The following MAN1B1 variants were observed in gnomAD, a reference collection of about 807,000 sequenced individuals.
The protein encoded by MAN1B1 is mannosidase alpha class 1B member 1.
Under a neutral mutation model 75.5 loss-of-function variants are expected in MAN1B1, and 66 were observed. The observed-to-expected ratio is 0.87, with a 90% CI of 0.72 to 1.07. The LOEUF is 1.07. MAN1B1 is among the 50% of genes least tolerant of loss of function. The pLI is 0.00. For missense variants in MAN1B1, 973 were observed against 912.5 expected (o/e 1.07, Z -0.85); for synonymous variants, 453 against 382.8 (o/e 1.18, Z -2.14).
chr9:137,097,526 C>T lies in MAN1B1; in HGVS notation c.621-302C>T, dbSNP rs543204583. Among the ~76,000 whole-genome samples the T allele has an allele frequency of 2.2e-4, 33 of 152,316 alleles. 1 individual carries two copies. In the South Asian group the frequency reaches 6.6e-3, roughly 31 times the overall value. ...CTGTTTGGATGAAAGATTCTCTACT[C>T]CTCCACCATAGAGGCCCCCCGCCTC... is the stretch of plus-strand genomic sequence containing the variant. On this transcript the variant is annotated intron_variant, in intron 4 of 12. Coordinates refer to ENST00000371589, the MANE Select transcript of MAN1B1 (RefSeq NM_016219.5).
At position 137,093,747 on chromosome 9, in the gene MAN1B1, T is replaced by C. The variant is rs545047911; in HGVS notation, c.466-2490T>C. On this transcript the variant is annotated intron_variant, in intron 3 of 12. Coordinates refer to ENST00000371589, the MANE Select transcript of MAN1B1 (RefSeq NM_016219.5). Reference sequence around the variant, plus strand: ...TACTCGGGAGGCTGAGGCAGGAGAATGGCGTGAACCTGGGAGGCGGAGGTT... The same window carrying C: ...TACTCGGGAGGCTGAGGCAGGAGAACGGCGTGAACCTGGGAGGCGGAGGTT... Among the ~76,000 whole-genome samples the C allele has an allele frequency of 4.3e-4, 65 of 151,532 alleles. 1 individual carries two copies. In the East Asian group the frequency reaches 0.01, roughly 24 times the overall value.
At chr9:137,107,176 C>G in intron 10 of MAN1B1, 74 bp from the exon 11 acceptor site, 1 of 1,513,870 alleles carries the variant, frequency 6.6e-7, no homozygotes, top group Non-Finnish European at 9.1e-7. Context: ...TGGGCTCCCA[C>G]GTTGGCTGCC....
chr9:137,093,298 G>T (rs764864962), intron 3 of MAN1B1, among the ~76,000 whole-genome samples: 1 of 152,156 alleles, frequency 6.6e-6, no homozygotes, highest in Non-Finnish European at 1.5e-5. Context: ...GCAGGCTGAG[G>T]CCTGAACTGG....
At chr9:137,087,348 G>T in intron 1 of MAN1B1, 130 bp downstream of exon 1, 2 of 1,056,822 alleles carry the variant, frequency 1.9e-6, no homozygotes, top group Non-Finnish European at 2.7e-6. Context: ...CCCCTTCCCC[G>T]CAAAAAGGGG....
intron 8 of MAN1B1, chr9:137,104,113 C>T (rs971131995): frequency 4.4e-6 from 2 of 455,496 alleles, no homozygotes; most frequent in African/African-American, 4.0e-5. Context: ...CTGAAGCTCT[C>T]CCATCACACA....
chr9:137,097,415 G>A (rs374242925), intron 4 of MAN1B1, among the ~76,000 whole-genome samples: 7 of 152,346 alleles, frequency 4.6e-5, no homozygotes, highest in East Asian at 1.9e-4. Flanking sequence ...GGGAGTTTGA[G>A]TGGCCATGCG....
At chr9:137,108,291 G>T in intron 12 of MAN1B1, 97 bp from the exon 13 acceptor site, 1 of 1,108,416 alleles carries the variant, frequency 9.0e-7, no homozygotes, top group Non-Finnish European at 1.4e-6. Flanking sequence ...TGCGCTGGGG[G>T]CCACATTCAC....
chr9:137,107,812 G>A (rs1382540277), intron 12 of MAN1B1, 150 bp downstream of exon 12: 2 of 1,026,894 alleles, frequency 1.9e-6, no homozygotes, highest in Non-Finnish European at 3.0e-6. Flanking sequence ...TGGCCACACT[G>A]CAGCTTGGGG....
At chr9:137,098,475 G>A (rs1383322088) in intron 5 of MAN1B1, among the ~76,000 whole-genome samples, 1 of 152,186 alleles carries the variant, frequency 6.6e-6, no homozygotes, top group Admixed American at 6.5e-5. Flanking sequence ...ATGGCAGGTC[G>A]CTGAGTCTGG....
chr9:137,087,170 C>A lies in MAN1B1; in HGVS notation c.171C>A (p.Gly57=), dbSNP rs760119888. 3 of 1,594,668 alleles carry A rather than the reference C, an allele frequency of 1.9e-6. No homozygotes were observed. In the African/African-American group the frequency reaches 4.0e-5, roughly 21 times the overall value. Residue 57 remains glycine (G), a synonymous_variant, in exon 1 of 13, where the codon GGC becomes GGA. Coordinates refer to ENST00000371589, the MANE Select transcript of MAN1B1 (RefSeq NM_016219.5). ...TCATCTCGGTGACGCTGAGCTTTGG[C>A]GAGAACTATGACAACAGCAAGAGTT... ...RDFISVTLSF[G]ENYDNSKSWR...
At position 137,097,912 on chromosome 9, in the gene MAN1B1, A is replaced by G. The variant is rs1342800552; in HGVS notation, c.705A>G (p.Pro235=). 1.9e-6 allele frequency: 3 copies of G among 1,558,502 alleles called. No homozygotes were observed. In the East Asian group the frequency reaches 7.2e-5, roughly 38 times the overall value. ...AAGTGCCCACCAAGCCTCCCCTGCC[A>G]CCGGCCAGGACACAGGGCACACCAG... ...RAEVPTKPPL[P]PARTQGTPVH... Residue 235 remains proline, a synonymous_variant, in exon 5 of 13, where the codon CCA becomes CCG. Coordinates refer to ENST00000371589, the MANE Select transcript of MAN1B1 (RefSeq NM_016219.5).
intron 8 of MAN1B1, chr9:137,103,305 C>G: frequency 2.3e-6 from 1 of 437,244 alleles, no homozygotes. Context: ...TACATTCATG[C>G]TGTTGCAGGC....
intron 8 of MAN1B1, chr9:137,102,921 C>T (rs200914953): frequency 0.038 from 10,017 of 265,510 alleles, 4 homozygotes; most frequent in African/African-American, 0.17. Context: ...CACACATTCA[C>T]GCTGTTGCAG....
rs1345379639 is a variant in MAN1B1 at position 137,096,408 on chromosome 9, A to T, written c.620+17A>T. ...AGTCATCAGGTACAGAGCGCAGGGC[A>T]GGCTGCACGCCGCCGCTCAGGGCTT... On this transcript the variant is annotated intron_variant, in intron 4 of 12. Transcript: ENST00000371589. 1 of 1,612,672 alleles carries T rather than the reference A, an allele frequency of 6.2e-7. No individual in the cohort carries two copies. Among genetic ancestry groups the T allele is most frequent in the Non-Finnish European group, 8.5e-7 (1 of 1,179,582 alleles).
chr9:137,106,266 T>C lies in MAN1B1; in HGVS notation c.1396T>C (p.Tyr466His). 1 of 1,570,554 alleles carries C rather than the reference T, an allele frequency of 6.4e-7. No individual in the cohort carries two copies. Among genetic ancestry groups the C allele is most frequent in the Non-Finnish European group, 8.6e-7 (1 of 1,157,962 alleles). ...GCTGGGCGCCAGGGCCGACAGCTAC[T>C]ATGAGTACCTGCTGAAGCAGTGGAT... ...FTLGARADSY[Y>H]EYLLKQWIQG... is the part of the protein sequence containing the mutation. The change falls in exon 9 of 13, where the codon TAT becomes CAT. Residue 466 changes from tyrosine (Y) to histidine (H), a missense_variant. Tyr to His is a moderately conservative substitution (Grantham distance 83). Coordinates refer to ENST00000371589, the MANE Select transcript of MAN1B1 (RefSeq NM_016219.5).
intron 8 of MAN1B1, chr9:137,104,233 C>CT (rs377641269): frequency 0.03 from 8,551 of 287,156 alleles, 22 homozygotes; most frequent in South Asian, 0.051. Context: ...ACGATTTGTC[C>CT]TTTTTTTGTT....
rs549234763 is a variant in MAN1B1, at chr9:137,099,573, C to T, written c.731-123C>T. On this transcript the variant is annotated intron_variant, in intron 5 of 12. Transcript: ENST00000371589. ...CTGTGCCCACCACCGCCCTTCCCGT[C>T]GTCCCAAACCCACCGTCATCTTTGC... 440 of 1,065,690 alleles carry T rather than the reference C, an allele frequency of 4.1e-4. 1 individual carries two copies. The highest frequency in any genetic ancestry group is 3.3e-3 in the South Asian group (261 of 79,090). The allele number at this position is 1,065,690 out of a possible 1,614,324, so 66.0% of individuals were successfully genotyped here. A position where few individuals can be genotyped will look rare whatever the true frequency, so the allele number is the denominator to read the frequency against.
At chr9:137,101,777 GT>G in intron 8 of MAN1B1, 105 bp downstream of exon 8, 1 of 1,330,236 alleles carries the variant, frequency 7.5e-7, no homozygotes. Context: ...GTGTTTTCAG[GT>G]TTTTTACTGT....
intron 2 of MAN1B1, 179 bp from the exon 3 acceptor site, chr9:137,088,690 C>A: frequency 1.3e-6 from 1 of 787,970 alleles, no homozygotes; most frequent in Non-Finnish European, 2.1e-6. Context: ...ACACAAACTG[C>A]CAAGTGTTTT....
Sources: gnomAD v4.1 joint callset for allele counts (sites outside exome capture counted in the v4.1 genomes callset) on GRCh38, gnomAD v4.1.1 for gene constraint, MANE v1.5 for transcripts, NCBI Gene and HGNC (gene_info 2026-07-23, HGNC 2026-07-21) for gene names.